TTC21A: variants seen among roughly 807,000 people sequenced by gnomAD.
TTC21A encodes the protein tetratricopeptide repeat protein 21A.
A neutral mutation model predicts 156.4 loss-of-function variants in TTC21A; 128 were observed. That is an observed-to-expected ratio of 0.82 (90% CI 0.71 to 0.95). The LOEUF is 0.95. Among genes scored for constraint, TTC21A ranks in the 40% least tolerant of loss-of-function variants. The pLI is 0.00. For missense variants in TTC21A, 1,435 were observed against 1,602.3 expected, an observed-to-expected ratio of 0.90 and a Z score of 1.78; for synonymous variants, 587 against 617.1, an observed-to-expected ratio of 0.95 and a Z score of 0.72.
At chr3:39,127,733 C>T (rs9851081) in intron 12 of TTC21A, among the ~76,000 whole-genome samples, 2,242 of 152,318 alleles carry the variant, frequency 0.015, 60 homozygotes, top group African/African-American at 0.05. Context: ...CCCCGCAGCC[C>T]TCAAGCCCCA....
At position 39,112,476 on chromosome 3, in the gene TTC21A, T is replaced by C. The variant is rs1353517051; in HGVS notation, c.454T>C (p.Trp152Arg). Residue 152 changes from tryptophan to arginine, a missense_variant, in exon 5 of 29, where the codon TGG becomes CGG. Coordinates refer to ENST00000683103, the MANE Select transcript of TTC21A (RefSeq NM_001366900.1). ...GFREAYVLRG[W>R]VDLTSDKPHT... Reference sequence around the variant, plus strand: ...ATCCCAGGCCTATGTGCTCAGAGGCTGGGTGGACCTGACCTCAGACAAGCC... The same window carrying C: ...ATCCCAGGCCTATGTGCTCAGAGGCCGGGTGGACCTGACCTCAGACAAGCC... 1 of 1,614,170 alleles carries C rather than the reference T, an allele frequency of 6.2e-7. No homozygotes were observed. The highest frequency in any genetic ancestry group is 8.5e-7 in the Non-Finnish European group (1 of 1,180,026).
chr3:39,135,625 A>G (rs2039054824), intron 22 of TTC21A, among the ~76,000 whole-genome samples: 2 of 152,326 alleles, frequency 1.3e-5, no homozygotes, highest in South Asian at 4.1e-4. Flanking sequence ...CCAGGAGGTC[A>G]CCACGGTTAG....
intron 8 of TTC21A, 108 bp downstream of exon 8, chr3:39,120,128 G>T: frequency 1.3e-6 from 1 of 751,118 alleles, no homozygotes; most frequent in Non-Finnish European, 2.2e-6. Flanking sequence ...CTCCCTTCTG[G>T]CTCAAACTTG....
At chr3:39,112,698 A>G (rs2036940045) in intron 5 of TTC21A, 118 bp downstream of exon 5, 2 of 1,468,508 alleles carry the variant, frequency 1.4e-6, no homozygotes, top group African/African-American at 2.8e-5. Context: ...TCTCGTAGAT[A>G]AAGAGCAGAG....
In TTC21A at chr3:39,129,302, A is replaced by G; in HGVS notation, c.2127A>G (p.Arg709=). The G allele has an allele frequency of 6.2e-7, 1 of 1,613,208 alleles. No individual in the cohort carries two copies. Among genetic ancestry groups the G allele is most frequent in the East Asian group, 2.2e-5 (1 of 44,882 alleles). Residue 709 remains arginine (R), a synonymous_variant, in exon 15 of 29, where the codon AGA becomes AGG. Coordinates refer to ENST00000683103, the MANE Select transcript of TTC21A (RefSeq NM_001366900.1). ...QTLRDRRLYI[R]CYRELCEHLP... is the part of the protein sequence containing the mutation. ...TCAGAGACAGGCGCCTCTACATCAG[A>G]TGCTACCGGTAAGCCCCACAGGCAG...
intron 22 of TTC21A, 46 bp from the exon 23 acceptor site, chr3:39,136,311 C>A: frequency 6.3e-7 from 1 of 1,582,162 alleles, no homozygotes; most frequent in Non-Finnish European, 8.6e-7. Flanking sequence ...CATCTGATAA[C>A]AGCTACTGGG....
intron 4 of TTC21A, among the ~76,000 whole-genome samples, chr3:39,111,907 C>T (rs2036860989): frequency 6.6e-6 from 1 of 152,178 alleles, no homozygotes; most frequent in Non-Finnish European, 1.5e-5. Flanking sequence ...CTGGCCCTCC[C>T]CATCTGCCTG....
At chr3:39,111,708 A>T (rs2125750748) in intron 4 of TTC21A, among the ~76,000 whole-genome samples, 1 of 152,336 alleles carries the variant, frequency 6.6e-6, no homozygotes, top group Middle Eastern at 3.4e-3. Context: ...TACACAATAC[A>T]CAGATACGGT....
chr3:39,111,552 G>A (rs1179473575), intron 4 of TTC21A, among the ~76,000 whole-genome samples: 3 of 152,130 alleles, frequency 2.0e-5, no homozygotes, highest in Non-Finnish European at 2.9e-5. Flanking sequence ...CTGTATATCT[G>A]CACTAATATG....
chr3:39,131,923 A>G (rs1348429307), intron 19 of TTC21A, among the ~76,000 whole-genome samples: 1 of 152,204 alleles, frequency 6.6e-6, no homozygotes, highest in Non-Finnish European at 1.5e-5. Flanking sequence ...TTTCCAGGAA[A>G]GCTCATGACA....
At chr3:39,121,743 C>G (rs2125800861) in intron 9 of TTC21A, among the ~76,000 whole-genome samples, 1 of 152,282 alleles carries the variant, frequency 6.6e-6, no homozygotes, top group East Asian at 1.9e-4. Flanking sequence ...ATTCCATGGT[C>G]TGTGGTGAAC....
chr3:39,114,886 G>C (rs1453317593), intron 6 of TTC21A, 144 bp downstream of exon 6: 1 of 874,950 alleles, frequency 1.1e-6, no homozygotes, highest in East Asian at 2.7e-5. Flanking sequence ...TTGGGATGAG[G>C]AAGAGAGCAG....
intron 9 of TTC21A, among the ~76,000 whole-genome samples, chr3:39,123,059 A>G (rs187991056): frequency 6.6e-6 from 1 of 152,346 alleles, no homozygotes; most frequent in East Asian, 1.9e-4. Context: ...TGAGGAGCAG[A>G]GTTAAGGCTA....
Position 39,134,392 on chromosome 3 carries a change from A to C in TTC21A, c.2862+64A>C. ...CTCCCTTCCCAGGGTCCCTGTGACCAGATGCAGGCTACTTCCTAGCCCCGT... is the reference window on the plus strand; with the variant it reads ...CTCCCTTCCCAGGGTCCCTGTGACCCGATGCAGGCTACTTCCTAGCCCCGT... On this transcript the variant is annotated intron_variant, in intron 21 of 28. Transcript: ENST00000683103. This position sits in a 1 kb window ranked among gnomAD's most constrained non-coding sequence, Gnocchi z 4.6. 8.7e-7 allele frequency: 1 copy of C among 1,146,712 alleles called. No individual in the cohort carries two copies. The highest frequency in any genetic ancestry group is 2.3e-5 in the East Asian group (1 of 42,732). 71.0% of individuals were successfully genotyped at this position (1,146,712 alleles called of 1,614,324 possible). A position where few individuals can be genotyped will look rare whatever the true frequency, so the allele number is the denominator to read the frequency against.
chr3:39,113,366 G>A (rs527430423), intron 5 of TTC21A, among the ~76,000 whole-genome samples: 2 of 152,346 alleles, frequency 1.3e-5, no homozygotes, highest in Admixed American at 1.3e-4. Context: ...CCTGTGGAAA[G>A]AGAAGGCGGG....
chr3:39,138,800 G>C lies in TTC21A; in HGVS notation c.*12G>C. On this transcript the variant is annotated 3_prime_UTR_variant, in exon 29 of 29. Coordinates refer to ENST00000683103, the MANE Select transcript of TTC21A (RefSeq NM_001366900.1). ...CCCTGAGGCCCTAGCTGGGGTCAAG[G>C]GGCCTGGACCAGTAGAAGCCATCAA... The C allele has an allele frequency of 6.2e-7, 1 of 1,612,464 alleles. No individual in the cohort carries two copies. Among genetic ancestry groups the C allele is most frequent in the Non-Finnish European group, 8.5e-7 (1 of 1,178,662 alleles).
chr3:39,112,418 A>T (rs1258433270), intron 4 of TTC21A, 40 bp from the exon 5 acceptor site: 1 of 1,609,544 alleles, frequency 6.2e-7, no homozygotes, highest in East Asian at 2.2e-5. Flanking sequence ...GATTCTGTGC[A>T]GGACCAAGGA....
rs952962154 is a variant in TTC21A, at chr3:39,120,127, G to A, written c.900+107G>A. 6 of 765,058 alleles carry A rather than the reference G, an allele frequency of 7.8e-6. No homozygotes were observed. The African/African-American group carries it at 1.1e-4, about 14-fold the overall frequency. 47.4% of individuals were successfully genotyped at this position (765,058 alleles called of 1,614,324 possible). A position where few individuals can be genotyped will look rare whatever the true frequency, so the allele number is the denominator to read the frequency against. On this transcript the variant is annotated intron_variant, in intron 8 of 28. Coordinates refer to ENST00000683103, the MANE Select transcript of TTC21A (RefSeq NM_001366900.1). ...CTTGAGTGCCTTACCCCTCCCTTCT[G>A]GCTCAAACTTGTCCTTTAGGGTAGT...
At chr3:39,138,418 G>A (rs784497) in intron 27 of TTC21A, 31 bp downstream of exon 27, 1,040,408 of 1,612,850 alleles carry the variant, frequency 0.65, 343,495 homozygotes, top group East Asian at 0.7. Context: ...GCACGTGAAT[G>A]GACGTGGGAG....
Sources: gnomAD v4.1 joint callset for allele counts (sites outside exome capture counted in the v4.1 genomes callset) on GRCh38, gnomAD v4.1.1 for gene constraint, Gnocchi (gnomAD v3.1) non-coding constraint, MANE v1.5 for transcripts, NCBI Gene and HGNC (gene_info 2026-07-23, HGNC 2026-07-21) for gene names.